The following FRAS1 variants were observed in gnomAD, a reference collection of about 807,000 sequenced individuals.
The protein encoded by FRAS1 is extracellular matrix organizing protein FRAS1.
In FRAS1, 290 loss-of-function variants were observed where a neutral mutation model predicts 435.2. That is an observed-to-expected ratio of 0.67 (90% CI 0.61 to 0.73). The LOEUF is 0.73. Among genes scored for constraint, FRAS1 ranks in the 30% least tolerant of loss-of-function variants. The pLI, the probability that FRAS1 is intolerant of heterozygous loss-of-function variation, is 0.00. For missense variants in FRAS1, 4,860 were observed against 5,001.5 expected (o/e 0.97, Z 0.85); for synonymous variants, 1,800 against 1,851.0 (o/e 0.97, Z 0.71).
At chr4:78,334,495 C>A (rs953939467) in intron 19 of FRAS1, among the ~76,000 whole-genome samples, 1 of 151,318 alleles carries the variant, frequency 6.6e-6, no homozygotes, top group Admixed American at 6.6e-5. Flanking sequence ...CTCAGCCTCC[C>A]GAGTAGCTGG....
intron 2 of FRAS1, among the ~76,000 whole-genome samples, chr4:78,229,065 T>G (rs932971814): frequency 2.6e-5 from 4 of 152,180 alleles, no homozygotes; most frequent in African/African-American, 7.2e-5. Context: ...AAACCAAGCC[T>G]GTGGGTATGG....
intron 2 of FRAS1, among the ~76,000 whole-genome samples, chr4:78,177,197 C>T (rs746161660): frequency 6.6e-6 from 1 of 151,790 alleles, no homozygotes; most frequent in Non-Finnish European, 1.5e-5. Context: ...ATGCCATTCT[C>T]CTGCCTCAGC....
rs1723048334 is a variant in FRAS1, at chr4:78,201,529, T to C, written c.109-35981T>C. Reference sequence around the variant, plus strand: ...ACTAGAGAGCTGAGGAATTGGCCTATGAGAGACCTGTTGTCAAATTAATTC... The same window carrying C: ...ACTAGAGAGCTGAGGAATTGGCCTACGAGAGACCTGTTGTCAAATTAATTC... On this transcript the variant is annotated intron_variant, in intron 2 of 73. Transcript: ENST00000512123. Among the ~76,000 whole-genome samples, 3 of 152,316 alleles carry C rather than the reference T, an allele frequency of 2.0e-5. No homozygotes were observed. The East Asian group carries it at 5.8e-4, about 29-fold the overall frequency.
At chr4:78,086,915 T>C (rs1436630175) in intron 2 of FRAS1, among the ~76,000 whole-genome samples, 2 of 152,140 alleles carry the variant, frequency 1.3e-5, no homozygotes, top group Non-Finnish European at 2.9e-5. Flanking sequence ...CCTCCCTAAC[T>C]CATTTTATGA....
At chr4:78,168,306 G>T (rs2110033490) in intron 2 of FRAS1, among the ~76,000 whole-genome samples, 1 of 152,190 alleles carries the variant, frequency 6.6e-6, no homozygotes, top group South Asian at 2.1e-4. Context: ...CTCAGACCAA[G>T]ACAATGTCTG....
intron 16 of FRAS1, 33 bp from the exon 17 acceptor site, chr4:78,317,335 C>G: frequency 6.2e-7 from 1 of 1,613,164 alleles, no homozygotes; most frequent in Non-Finnish European, 8.5e-7. Flanking sequence ...CACCCATGTC[C>G]CATGGCGTTC....
chr4:78,242,462 G>A (rs1454412732), intron 3 of FRAS1, among the ~76,000 whole-genome samples: 1 of 152,222 alleles, frequency 6.6e-6, no homozygotes, highest in Non-Finnish European at 1.5e-5. Context: ...TTTAGACAGA[G>A]TTTCACTCTG....
intron 47 of FRAS1, among the ~76,000 whole-genome samples, chr4:78,459,569 T>C (rs1171541335): frequency 3.3e-5 from 5 of 152,234 alleles, no homozygotes; most frequent in Non-Finnish European, 7.3e-5. Flanking sequence ...CCTCTTTCAG[T>C]ATTGTGAGAC....
At chr4:78,209,186 A>T (rs1414163356) in intron 2 of FRAS1, among the ~76,000 whole-genome samples, 2 of 152,110 alleles carry the variant, frequency 1.3e-5, no homozygotes, top group East Asian at 3.9e-4. Flanking sequence ...TTTTTACAGA[A>T]AAGCCATACC....
chr4:78,380,926 A>G (rs1373487281), intron 27 of FRAS1, among the ~76,000 whole-genome samples: 1 of 152,192 alleles, frequency 6.6e-6, no homozygotes, highest in Non-Finnish European at 1.5e-5. Context: ...AATAAGAACA[A>G]CTAGCATTTA....
intron 12 of FRAS1, 141 bp downstream of exon 12, chr4:78,283,108 A>AG: frequency 3.2e-6 from 2 of 621,846 alleles, no homozygotes; most frequent in Non-Finnish European, 4.9e-6. Flanking sequence ...TAATTTTTCT[A>AG]ACAAATGATG....
intron 2 of FRAS1, among the ~76,000 whole-genome samples, chr4:78,177,757 G>C (rs567667825): frequency 6.6e-6 from 1 of 152,154 alleles, no homozygotes; most frequent in South Asian, 2.1e-4. Flanking sequence ...CTTCCTTTCA[G>C]GTGCCTCACC....
At chr4:78,190,442 T>C (rs748440192) in intron 2 of FRAS1, among the ~76,000 whole-genome samples, 19 of 151,982 alleles carry the variant, frequency 1.3e-4, no homozygotes, top group Non-Finnish European at 2.2e-4. Context: ...TTTCCCCCAT[T>C]CACTGCTTTT....
At chr4:78,451,323 C>T (rs1719014799) in intron 45 of FRAS1, among the ~76,000 whole-genome samples, 1 of 152,170 alleles carries the variant, frequency 6.6e-6, no homozygotes, top group South Asian at 2.1e-4. Flanking sequence ...GCTCCGTGAA[C>T]TGGGCAATGA....
chr4:78,127,768 C>G (rs1037891710), intron 2 of FRAS1, among the ~76,000 whole-genome samples: 2 of 151,508 alleles, frequency 1.3e-5, no homozygotes, highest in Non-Finnish European at 2.9e-5. Flanking sequence ...TATTATTATA[C>G]TTTAAGTTTT....
intron 14 of FRAS1, among the ~76,000 whole-genome samples, chr4:78,298,030 CTATATATA>C (rs61446216): frequency 5.8e-5 from 6 of 104,074 alleles, no homozygotes; most frequent in East Asian, 5.5e-4. Context: ...CTCTCTCTCT[CTATATATA>C]TATATATATA....
intron 7 of FRAS1, among the ~76,000 whole-genome samples, chr4:78,265,746 C>A (rs1481169603): frequency 6.6e-6 from 1 of 152,144 alleles, no homozygotes; most frequent in Non-Finnish European, 1.5e-5. Flanking sequence ...TACTCAAAAG[C>A]AAAGAACACA....
intron 2 of FRAS1, among the ~76,000 whole-genome samples, chr4:78,204,184 A>T (rs189243870): frequency 6.6e-6 from 1 of 152,340 alleles, no homozygotes; most frequent in African/African-American, 2.4e-5. Flanking sequence ...GTTGATGAAA[A>T]TGTTGTGATC....
intron 42 of FRAS1, 92 bp downstream of exon 42, chr4:78,445,804 A>C: frequency 6.8e-7 from 1 of 1,465,892 alleles, no homozygotes; most frequent in Non-Finnish European, 9.1e-7. Context: ...AAAAGCAAAG[A>C]AGATTGGATT....
Sources: allele counts gnomAD v4.1 joint callset (sites outside exome capture counted in the v4.1 genomes callset), GRCh38; gene constraint gnomAD v4.1.1; transcripts MANE v1.5; gene names NCBI Gene and HGNC (gene_info 2026-07-23, HGNC 2026-07-21).